The following FNBP1L variants were observed in gnomAD, a reference collection of about 807,000 sequenced individuals.
The protein encoded by FNBP1L is formin-binding protein 1-like.
A neutral mutation model predicts 91.2 loss-of-function variants in FNBP1L; 36 were observed. The ratio of observed to expected loss-of-function variants is 0.39; its 90% CI spans 0.30 to 0.52. The LOEUF is 0.52. FNBP1L is among the 20% of genes least tolerant of loss of function. FNBP1L has a pLI of 0.66. For missense variants in FNBP1L, 571 were observed against 732.1 expected, an observed-to-expected ratio of 0.78 and a Z score of 2.54; for synonymous variants, 242 against 237.0, an observed-to-expected ratio of 1.02 and a Z score of -0.19.
At chr1:93,528,790 G>GT (rs893604306) in intron 5 of FNBP1L, among the ~76,000 whole-genome samples, 1 of 152,028 alleles carries the variant, frequency 6.6e-6, no homozygotes, top group African/African-American at 2.4e-5. Context: ...TTCCTAATGT[G>GT]TTAGAATTAA....
At chr1:93,543,788 A>G (rs1025078254) in intron 11 of FNBP1L, 2 of 172,234 alleles carry the variant, frequency 1.2e-5, no homozygotes, top group Non-Finnish European at 2.5e-5. Context: ...ACATGTATTC[A>G]TTATAACTCT....
chr1:93,533,650 CTGGTGTT>C (rs1444873786), intron 8 of FNBP1L, among the ~76,000 whole-genome samples: 1 of 152,184 alleles, frequency 6.6e-6, no homozygotes, highest in Non-Finnish European at 1.5e-5. Context: ...GAGAAGAGAA[CTGGTGTT>C]TGCAGGATAT....
chr1:93,514,464 A>G (rs1462602493), intron 2 of FNBP1L, among the ~76,000 whole-genome samples: 1 of 151,780 alleles, frequency 6.6e-6, no homozygotes, highest in East Asian at 1.9e-4. Context: ...TGCCAAGTCA[A>G]TCCTAAGCCA....
chr1:93,452,791 C>G (rs1238368720), intron 1 of FNBP1L, among the ~76,000 whole-genome samples: 3 of 152,098 alleles, frequency 2.0e-5, no homozygotes, highest in Non-Finnish European at 4.4e-5. Flanking sequence ...TTAATGTAAA[C>G]TGAATTGCTT....
At chr1:93,454,065 A>G (rs1487490151) in intron 1 of FNBP1L, among the ~76,000 whole-genome samples, 1 of 152,180 alleles carries the variant, frequency 6.6e-6, no homozygotes, top group Non-Finnish European at 1.5e-5. Context: ...GGGGTTCCTG[A>G]CAGGTTCCTA....
chr1:93,494,807 G>GC (rs1246363308), intron 1 of FNBP1L, among the ~76,000 whole-genome samples: 7 of 152,192 alleles, frequency 4.6e-5, no homozygotes, highest in African/African-American at 1.7e-4. Flanking sequence ...GGCTGAGGAG[G>GC]CCTCACAATC....
chr1:93,534,240 C>T (rs1429304620), intron 8 of FNBP1L, among the ~76,000 whole-genome samples: 2 of 152,010 alleles, frequency 1.3e-5, no homozygotes, highest in Admixed American at 6.6e-5. Flanking sequence ...AAAGCCTTTC[C>T]TACTCATCTT....
intron 1 of FNBP1L, among the ~76,000 whole-genome samples, chr1:93,460,472 C>T (rs182297727): frequency 6.6e-5 from 10 of 152,230 alleles, no homozygotes; most frequent in Admixed American, 1.3e-4. Flanking sequence ...CAGGAGGCAA[C>T]GTAAATGTCC....
chr1:93,517,976 A>T (rs536554812), intron 2 of FNBP1L, among the ~76,000 whole-genome samples: 1 of 152,334 alleles, frequency 6.6e-6, no homozygotes, highest in South Asian at 2.1e-4. Context: ...GCATAAGATT[A>T]TATATAAAGA....
rs1671855082 is a variant in FNBP1L, at chr1:93,536,487, A to AGG, written c.1149_1149+1dup. 6.5e-7 allele frequency: 1 copy of AGG among 1,547,520 alleles called. No homozygotes were observed. The highest frequency in any genetic ancestry group is 1.4e-5 in the African/African-American group (1 of 72,792). ...TTCCTTCTTTCAGAAGCCTCAAAAGAGGGGTAAGTTTAATAATGGGTTAAA... is the reference window on the plus strand; with the variant it reads ...TTCCTTCTTTCAGAAGCCTCAAAAGAGGGGGGTAAGTTTAATAATGGGTTAAA... On this transcript the variant is annotated frameshift_variant, in exon 10 of 17. Transcript: ENST00000271234. LOFTEE classifies it high-confidence loss of function.
intron 2 of FNBP1L, among the ~76,000 whole-genome samples, chr1:93,517,547 T>C (rs1671171657): frequency 6.6e-6 from 1 of 152,240 alleles, no homozygotes; most frequent in Non-Finnish European, 1.5e-5. Flanking sequence ...GTTACCCATA[T>C]GTCTACTCAA....
intron 1 of FNBP1L, among the ~76,000 whole-genome samples, chr1:93,484,578 A>C (rs1353692576): frequency 6.6e-6 from 1 of 152,230 alleles, no homozygotes; most frequent in Non-Finnish European, 1.5e-5. Flanking sequence ...AAATGTCAGC[A>C]CAGGGGGACC....
At position 93,458,285 on chromosome 1, in the gene FNBP1L, C is replaced by T. The variant is rs142149091; in HGVS notation, c.24+9980C>T. On this transcript the variant is annotated intron_variant, in intron 1 of 16. Transcript: ENST00000271234. ...AGGAGGAAAACTGGATATCCACATG[C>T]AGAAGAATGAATTTTTTGTTTTTAG... 2.6e-5 allele frequency among the ~76,000 whole-genome samples: 4 copies of T among 152,154 alleles called. No individual in the cohort carries two copies. In the East Asian group the frequency reaches 7.7e-4, roughly 29 times the overall value.
intron 2 of FNBP1L, among the ~76,000 whole-genome samples, chr1:93,504,764 T>G (rs1285219193): frequency 6.6e-6 from 1 of 152,190 alleles, no homozygotes; most frequent in Non-Finnish European, 1.5e-5. Flanking sequence ...TCAAGTCAGT[T>G]TTTAAAATTG....
intron 2 of FNBP1L, among the ~76,000 whole-genome samples, chr1:93,510,892 G>A (rs1367662437): frequency 1.3e-5 from 2 of 151,972 alleles, no homozygotes; most frequent in East Asian, 3.8e-4. Context: ...AAGCGAGAAG[G>A]GAAGTTTAGA....
chr1:93,517,008 C>A (rs1671144454), intron 2 of FNBP1L, among the ~76,000 whole-genome samples: 1 of 151,304 alleles, frequency 6.6e-6, no homozygotes, highest in Non-Finnish European at 1.5e-5. Context: ...CCCTGTTCTT[C>A]CTCTTCCTCC....
chr1:93,482,085 C>T (rs1669726192), intron 1 of FNBP1L, among the ~76,000 whole-genome samples: 1 of 152,020 alleles, frequency 6.6e-6, no homozygotes, highest in Non-Finnish European at 1.5e-5. Context: ...ATCACTGAGG[C>T]CAGGAGGTGG....
intron 16 of FNBP1L, chr1:93,551,553 C>G (rs1570882302): frequency 1.0e-6 from 1 of 985,576 alleles, no homozygotes; most frequent in East Asian, 1.1e-4. Context: ...GTGGTTTCTT[C>G]TAGAAGTTTG....
intron 1 of FNBP1L, among the ~76,000 whole-genome samples, chr1:93,496,752 A>G (rs1225647851): frequency 6.6e-6 from 1 of 151,948 alleles, no homozygotes. Context: ...GCTGATCTCG[A>G]ACTCCTGGCC....
Sources: gnomAD v4.1 joint callset for allele counts (sites outside exome capture counted in the v4.1 genomes callset) on GRCh38, gnomAD v4.1.1 for gene constraint, MANE v1.5 for transcripts, NCBI Gene and HGNC (gene_info 2026-07-23, HGNC 2026-07-21) for gene names.